SERPINB8: variants seen among roughly 807,000 people sequenced by gnomAD.
SERPINB8 encodes the protein serpin family B member 8.
In SERPINB8, 25 loss-of-function variants were observed where a neutral mutation model predicts 35.3. The observed-to-expected ratio is 0.71, with a 90% CI of 0.52 to 0.99. The LOEUF (loss-of-function observed/expected upper bound fraction) is 0.99, where lower values mean the gene tolerates loss of function less well. SERPINB8 is among the 50% of genes least tolerant of loss of function. The probability of loss-of-function intolerance (pLI) is 0.00; values close to 1 mark genes in which losing one functional copy is unlikely to be tolerated. For missense variants in SERPINB8, 484 were observed against 446.5 expected (o/e 1.08, Z -0.76); for synonymous variants, 186 against 160.8 (o/e 1.16, Z -1.19).
At chr18:63,986,278 G>T (rs756319794) in intron 6 of SERPINB8, 1 of 1,610,066 alleles carries the variant, frequency 6.2e-7, no homozygotes, top group Non-Finnish European at 8.5e-7. Context: ...GGATCTTGAA[G>T]AATTTGAAGC....
intron 1 of SERPINB8, 72 bp from the exon 2 acceptor site, chr18:63,978,227 G>A (rs1337949834): frequency 1.3e-6 from 2 of 1,534,432 alleles, no homozygotes; most frequent in African/African-American, 2.7e-5. Context: ...TCCACTGACT[G>A]GGGGATGAAT....
intron 1 of SERPINB8, among the ~76,000 whole-genome samples, chr18:64,002,796 G>A (rs1960067948): frequency 6.6e-6 from 1 of 152,140 alleles, no homozygotes; most frequent in Admixed American, 6.5e-5. Flanking sequence ...CACCCCGACC[G>A]CGGGTCCGCC....
chr18:64,018,861 AAAAC>A (rs1363997615), intron 7 of SERPINB8: 18 of 152,334 alleles, frequency 1.2e-4, no homozygotes, highest in African/African-American at 4.3e-4. Flanking sequence ...AAAAATATTA[AAAAC>A]AAACAAAGTC....
At chr18:63,995,352 T>A (rs1042559531) in intron 1 of SERPINB8, among the ~76,000 whole-genome samples, 2 of 152,166 alleles carry the variant, frequency 1.3e-5, no homozygotes, top group Admixed American at 1.3e-4. Context: ...GGAAATGTCC[T>A]TCTTGGCCAT....
At chr18:63,979,779 C>T in intron 2 of SERPINB8, 22 bp from the exon 3 acceptor site, 2 of 1,613,516 alleles carry the variant, frequency 1.2e-6, no homozygotes. Context: ...CGTTAAAAGT[C>T]AGTGTTGGTT....
downstream of SERPINB8, among the ~76,000 whole-genome samples, chr18:63,991,274 G>A (rs1362270563): frequency 6.6e-6 from 1 of 152,126 alleles, no homozygotes; most frequent in East Asian, 1.9e-4. Context: ...TTTTGATTAG[G>A]ACTGTGTGAA....
rs1280566117 is a variant in SERPINB8 at position 63,987,260 on chromosome 18, CAGGTTCTCTTCTCCGTAA to C, written c.1110_*2del. On this transcript the variant is annotated stop_lost and inframe_deletion, in exon 7 of 7. Coordinates refer to ENST00000397985, the MANE Select transcript of SERPINB8 (RefSeq NM_002640.4). ...AAACCAACTGCATCTTGTTCTGTGG[CAGGTTCTCTTCTCCGTAA>C]AGAGGAGCAATTGCTGTACATACCC... The C allele has an allele frequency of 1.2e-6, 2 of 1,612,888 alleles. No individual in the cohort carries two copies. Among genetic ancestry groups the C allele is most frequent in the Non-Finnish European group, 1.7e-6 (2 of 1,179,168 alleles).
At chr18:64,014,379 CT>C (rs1009337901) in intron 7 of SERPINB8, among the ~76,000 whole-genome samples, 5 of 152,212 alleles carry the variant, frequency 3.3e-5, no homozygotes, top group Admixed American at 6.5e-5. Flanking sequence ...CATTTTGAAC[CT>C]GTTACAATTG....
At chr18:63,995,881 G>A (rs916773385) in intron 1 of SERPINB8, among the ~76,000 whole-genome samples, 13 of 152,166 alleles carry the variant, frequency 8.5e-5, no homozygotes, top group African/African-American at 3.1e-4. Flanking sequence ...CCATCTCCCT[G>A]ACCAGCTAAA....
chr18:64,003,616 C>A (rs537651073), intron 1 of SERPINB8, among the ~76,000 whole-genome samples: 4 of 151,658 alleles, frequency 2.6e-5, no homozygotes, highest in Admixed American at 2.6e-4. Flanking sequence ...CTAAGATCTG[C>A]AGTAAGCAAG....
Position 63,986,945 on chromosome 18 carries a change from T to C in SERPINB8, c.792T>C (p.Val264=). 2 of 1,614,178 alleles carry C rather than the reference T, an allele frequency of 1.2e-6. No individual in the cohort carries two copies. Among genetic ancestry groups the C allele is most frequent in the Non-Finnish European group, 1.7e-6 (2 of 1,180,020 alleles). Residue 264 remains valine (V), a synonymous_variant, in exon 7 of 7, where the codon GTT becomes GTC. Coordinates refer to ENST00000397985, the MANE Select transcript of SERPINB8 (RefSeq NM_002640.4). ...CAGAAAAGTTGACAAAAAGTAAGGT[T>C]CAAGTTTTCCTTCCCAGATTAAAGC... ...TNSEKLTKSK[V]QVFLPRLKLE... is the part of the protein sequence containing the mutation.
chr18:63,996,208 A>C (rs1243325604), intron 1 of SERPINB8, among the ~76,000 whole-genome samples: 1 of 152,186 alleles, frequency 6.6e-6, no homozygotes, highest in Admixed American at 6.5e-5. Flanking sequence ...TTTATGGGAC[A>C]ATTGGGCTGG....
intron 1 of SERPINB8, among the ~76,000 whole-genome samples, chr18:63,995,637 T>C (rs1397625934): frequency 2.6e-5 from 4 of 152,158 alleles, no homozygotes; most frequent in African/African-American, 9.7e-5. Flanking sequence ...TAGTGGGACA[T>C]GGGAAAGGCT....
chr18:63,977,019 C>T (rs1397940128), intron 1 of SERPINB8, among the ~76,000 whole-genome samples: 1 of 151,578 alleles, frequency 6.6e-6, no homozygotes, highest in Non-Finnish European at 1.5e-5. Context: ...GAAGTGATGA[C>T]AGAAATACAG....
At chr18:63,990,532 A>G (rs2050819489), downstream of SERPINB8, among the ~76,000 whole-genome samples, 1 of 147,554 alleles carries the variant, frequency 6.8e-6, no homozygotes, top group Non-Finnish European at 1.5e-5. Flanking sequence ...TTTTTTTACT[A>G]TACTTTAAGT....
At chr18:63,979,635 CAATGCTGCATTGCCCACGTTGAG>C (rs1196802927) in intron 2 of SERPINB8, among the ~76,000 whole-genome samples, 143 bp from the exon 3 acceptor site, 1 of 152,218 alleles carries the variant, frequency 6.6e-6, no homozygotes, top group African/African-American at 2.4e-5. Flanking sequence ...CCCCAAATGT[CAATGCTGCATTGCCCACGTTGAG>C]AAACCCTGTG....
chr18:64,004,231 A>T (rs1226733449), intron 1 of SERPINB8, among the ~76,000 whole-genome samples: 3 of 152,234 alleles, frequency 2.0e-5, no homozygotes. Context: ...ATAGAGGAAG[A>T]CATTCACCAG....
chr18:64,001,232 A>C (rs1262184690), intron 1 of SERPINB8, among the ~76,000 whole-genome samples: 2 of 152,214 alleles, frequency 1.3e-5, no homozygotes, highest in East Asian at 1.9e-4. Context: ...AACGGAATCA[A>C]GAATGAGTAC....
At position 63,987,276 on chromosome 18, in the gene SERPINB8, T is replaced by G. The variant is rs781113077; in HGVS notation, c.1123T>G (p.Ter375GluextTer19). The change falls in exon 7 of 7, where the codon TAA (stop) becomes GAA (glutamate). Residue 375 changes from the stop codon to glutamate, a stop_lost. Coordinates refer to ENST00000397985, the MANE Select transcript of SERPINB8 (RefSeq NM_002640.4). ...ILFCGRFSSP[*>E] ...GTTCTGTGGCAGGTTCTCTTCTCCGTAAAGAGGAGCAATTGCTGTACATAC... is the reference window on the plus strand; with the variant it reads ...GTTCTGTGGCAGGTTCTCTTCTCCGGAAAGAGGAGCAATTGCTGTACATAC... 3.7e-6 allele frequency: 6 copies of G among 1,609,380 alleles called. No individual in the cohort carries two copies. The East Asian group carries it at 1.1e-4, about 30-fold the overall frequency.
Sources: gnomAD v4.1 joint callset for allele counts (sites outside exome capture counted in the v4.1 genomes callset) on GRCh38, gnomAD v4.1.1 for gene constraint, MANE v1.5 for transcripts, NCBI Gene and HGNC (gene_info 2026-07-23, HGNC 2026-07-21) for gene names.